TFEC: variants seen among roughly 807,000 people sequenced by gnomAD.
The protein encoded by TFEC is class E basic helix-loop-helix protein 34.
In TFEC, 31 loss-of-function variants were observed where a neutral mutation model predicts 41.6. That is an observed-to-expected ratio of 0.74 (90% CI 0.56 to 1.01). The LOEUF (loss-of-function observed/expected upper bound fraction) is 1.01, where lower values mean the gene tolerates loss of function less well. Ranked by LOEUF, TFEC falls within the 50% of genes least tolerant of loss-of-function variation. TFEC has a pLI of 0.00. For synonymous variants in TFEC, 143 were observed against 140.6 expected, an observed-to-expected ratio of 1.02 and a Z score of -0.12; for missense variants, 402 against 404.1, an observed-to-expected ratio of 0.99 and a Z score of 0.04.
At chr7:115,982,269 GC>G (rs766599797) in intron 2 of TFEC, among the ~76,000 whole-genome samples, 30 of 151,464 alleles carry the variant, frequency 2.0e-4, no homozygotes, top group Non-Finnish European at 4.3e-4. Context: ...CTCCCACTCT[GC>G]CCTTGTGTTA....
chr7:116,067,855 A>C (rs1331281064), intron 3 of TFEC, among the ~76,000 whole-genome samples: 3 of 151,902 alleles, frequency 2.0e-5, no homozygotes, highest in African/African-American at 4.8e-5. Flanking sequence ...GATGAATTAA[A>C]TTCCTTGATG....
intron 3 of TFEC, among the ~76,000 whole-genome samples, chr7:116,068,129 A>G (rs1796738111): frequency 3.9e-5 from 6 of 151,914 alleles, no homozygotes; most frequent in Admixed American, 3.9e-4. Flanking sequence ...GTAGAATTTC[A>G]GGGAGTGCTG....
intron 3 of TFEC, among the ~76,000 whole-genome samples, chr7:116,066,337 C>T (rs964652009): frequency 1.4e-4 from 21 of 152,020 alleles, no homozygotes; most frequent in Non-Finnish European, 1.3e-4. Context: ...ATATAACTTA[C>T]GTCTTTCTTT....
chr7:116,120,831 T>C (rs890876122), intron 1 of TFEC, among the ~76,000 whole-genome samples: 4 of 151,976 alleles, frequency 2.6e-5, no homozygotes, highest in Non-Finnish European at 5.9e-5. Flanking sequence ...TAAATAACTC[T>C]GTCTTTGGGG....
intron 1 of TFEC, among the ~76,000 whole-genome samples, chr7:116,027,522 G>A (rs912253752): frequency 3.9e-5 from 6 of 152,050 alleles, no homozygotes; most frequent in South Asian, 2.1e-4. Context: ...TTTTGAGCCC[G>A]GGAGGTCGAG....
chr7:115,996,770 G>A (rs150099494), intron 1 of TFEC, among the ~76,000 whole-genome samples: 72 of 152,202 alleles, frequency 4.7e-4, no homozygotes, highest in African/African-American at 1.7e-3. Context: ...CTTGGGTCTT[G>A]AGTGAACATT....
intron 3 of TFEC, among the ~76,000 whole-genome samples, chr7:116,095,989 A>C (rs1424493535): frequency 1.3e-5 from 2 of 152,172 alleles, no homozygotes; most frequent in Non-Finnish European, 2.9e-5. Flanking sequence ...TCCTCTTCTA[A>C]AGTCTAATCC....
At chr7:115,955,207 A>G (rs1056046433) in intron 4 of TFEC, among the ~76,000 whole-genome samples, 1 of 152,002 alleles carries the variant, frequency 6.6e-6, no homozygotes, top group African/African-American at 2.4e-5. Flanking sequence ...TATGACCATC[A>G]ACCTCCAGGA....
chr7:115,993,070 G>GT (rs1283678940), intron 1 of TFEC, among the ~76,000 whole-genome samples: 2 of 152,198 alleles, frequency 1.3e-5, no homozygotes, highest in East Asian at 1.9e-4. Context: ...ATCAATAAAC[G>GT]TAATTCATCA....
intron 3 of TFEC, among the ~76,000 whole-genome samples, chr7:116,095,653 C>T (rs1797435409): frequency 6.6e-6 from 1 of 152,296 alleles, no homozygotes; most frequent in African/African-American, 2.4e-5. Context: ...TGTAATCTGG[C>T]TTCTGTTCCC....
chr7:116,151,397 C>T (rs1236922146), intron 1 of TFEC, among the ~76,000 whole-genome samples: 1 of 152,008 alleles, frequency 6.6e-6, no homozygotes, highest in Non-Finnish European at 1.5e-5. Flanking sequence ...CACCCACCAC[C>T]ACACCAGGCT....
intron 3 of TFEC, among the ~76,000 whole-genome samples, chr7:116,065,015 C>T (rs1205770607): frequency 6.6e-6 from 1 of 152,124 alleles, no homozygotes; most frequent in African/African-American, 2.4e-5. Flanking sequence ...GGATTGTTCT[C>T]CTGAAAACAG....
intron 3 of TFEC, among the ~76,000 whole-genome samples, chr7:116,106,588 C>T (rs1193360742): frequency 6.6e-6 from 1 of 152,016 alleles, no homozygotes; most frequent in East Asian, 1.9e-4. Context: ...GGATTTTTGG[C>T]CAGACTGGTC....
At chr7:115,976,084 T>G (rs1296620378) in intron 2 of TFEC, among the ~76,000 whole-genome samples, 2 of 152,266 alleles carry the variant, frequency 1.3e-5, no homozygotes, top group East Asian at 3.9e-4. Flanking sequence ...ATGTGGTTAG[T>G]GTAACTGCGA....
At position 115,942,042 on chromosome 7, in the gene TFEC, T is replaced by TGTAGAATG. The variant is rs748815791; in HGVS notation, c.516-10_516-3dup. On this transcript the variant is annotated splice_region_variant and splice_polypyrimidine_tract_variant and intron_variant, in intron 6 of 7. Transcript: ENST00000265440. Reference sequence around the variant, plus strand: ...GTTCCTTTGTTCCAGCGCATATCACTGTAGAATGGAGAGATAACCTTTTCA... The same window carrying TGTAGAATG: ...GTTCCTTTGTTCCAGCGCATATCACTGTAGAATGGTAGAATGGAGAGATAACCTTTTCA... 2 of 1,609,372 alleles carry TGTAGAATG rather than the reference T, an allele frequency of 1.2e-6. No homozygotes were observed. Among genetic ancestry groups the TGTAGAATG allele is most frequent in the Admixed American group, 3.4e-5 (2 of 59,428 alleles).
rs1793482669 is a variant in TFEC, at chr7:115,978,466, T to G, written c.181-4210A>C. Among the ~76,000 whole-genome samples, 3 of 152,304 alleles carry G rather than the reference T, an allele frequency of 2.0e-5. No homozygotes were observed. The South Asian group carries it at 6.2e-4, about 32-fold the overall frequency. On this transcript the variant is annotated intron_variant, in intron 2 of 7. Coordinates refer to ENST00000265440, the MANE Select transcript of TFEC (RefSeq NM_012252.4). ...AAAATCCATGATCTTACTCATCAAA[T>G]GCAGCCTTTGTTTTAGATCCAGTCT...
At chr7:116,108,395 A>G (rs1797768652) in intron 3 of TFEC, among the ~76,000 whole-genome samples, 1 of 152,082 alleles carries the variant, frequency 6.6e-6, no homozygotes, top group African/African-American at 2.4e-5. Context: ...CATCACCAAA[A>G]CCATGTACAA....
chr7:116,059,797 T>C (rs1330318209), intron 3 of TFEC, among the ~76,000 whole-genome samples: 1 of 152,064 alleles, frequency 6.6e-6, no homozygotes, highest in East Asian at 1.9e-4. Flanking sequence ...ATTGTTGATT[T>C]AAAATTCTCA....
chr7:115,964,666 G>A (rs532853913), intron 3 of TFEC, among the ~76,000 whole-genome samples: 2 of 151,472 alleles, frequency 1.3e-5, no homozygotes, highest in South Asian at 2.1e-4. Context: ...ATAGAATTTT[G>A]GTAATTTAAT....
Sources: gnomAD v4.1 joint callset for allele counts (sites outside exome capture counted in the v4.1 genomes callset) on GRCh38, gnomAD v4.1.1 for gene constraint, MANE v1.5 for transcripts, NCBI Gene and HGNC (gene_info 2026-07-23, HGNC 2026-07-21) for gene names.